Variants in ADGRB3 observed in about 807,000 individuals in gnomAD.
The protein encoded by ADGRB3 is brain-specific angiogenesis inhibitor 3.
Under a neutral mutation model 193.4 loss-of-function variants are expected in ADGRB3, and 37 were observed. That is an observed-to-expected ratio of 0.19 (90% CI 0.15 to 0.25). ADGRB3 has a LOEUF of 0.25. Ranked by LOEUF, ADGRB3 falls within the 10% of genes least tolerant of loss-of-function variation. ADGRB3 has a pLI of 1.00. For synonymous variants in ADGRB3, 690 were observed against 644.2 expected, an observed-to-expected ratio of 1.07 and a Z score of -1.08; for missense variants, 1,637 against 1,852.9, an observed-to-expected ratio of 0.88 and a Z score of 2.14.
chr6:68,862,885 T>G (rs912421407), intron 3 of ADGRB3, among the ~76,000 whole-genome samples: 1 of 152,160 alleles, frequency 6.6e-6, no homozygotes, highest in Non-Finnish European at 1.5e-5. Context: ...TGATCAAGAT[T>G]TTTGTCTCTT....
chr6:68,803,376 C>A (rs891878247), intron 3 of ADGRB3, among the ~76,000 whole-genome samples: 1 of 152,074 alleles, frequency 6.6e-6, no homozygotes, highest in African/African-American at 2.4e-5. Flanking sequence ...TTCAACCCTC[C>A]AATCCTACCA....
intron 30 of ADGRB3, among the ~76,000 whole-genome samples, chr6:69,382,468 G>T (rs1769969630): frequency 6.6e-6 from 1 of 151,934 alleles, no homozygotes; most frequent in Non-Finnish European, 1.5e-5. Context: ...GGGACTGGGT[G>T]CTTTACAAGT....
chr6:69,155,744 C>CA (rs1353160188), intron 17 of ADGRB3, among the ~76,000 whole-genome samples: 3 of 152,154 alleles, frequency 2.0e-5, no homozygotes, highest in South Asian at 2.1e-4. Context: ...AGCGTATTTC[C>CA]AAAAAATACA....
chr6:69,361,846 A>G (rs1769461992), intron 29 of ADGRB3, among the ~76,000 whole-genome samples: 1 of 151,876 alleles, frequency 6.6e-6, no homozygotes, highest in South Asian at 2.1e-4. Context: ...AAATAAATAA[A>G]TAACAGGATT....
chr6:69,220,162 GTACTT>G (rs1281722313), intron 17 of ADGRB3, among the ~76,000 whole-genome samples: 25 of 151,838 alleles, frequency 1.6e-4, no homozygotes, highest in Middle Eastern at 6.8e-3. Context: ...ATTTTTTTAG[GTACTT>G]TGCTTTCTGA....
chr6:68,809,061 T>A (rs1355159035), intron 3 of ADGRB3, among the ~76,000 whole-genome samples: 1 of 109,784 alleles, frequency 9.1e-6, no homozygotes, highest in African/African-American at 3.3e-5. Context: ...CTGATTTTTT[T>A]AATTGTGCTG....
chr6:68,746,398 C>T (rs1766085118), intron 3 of ADGRB3, among the ~76,000 whole-genome samples: 1 of 151,808 alleles, frequency 6.6e-6, no homozygotes. Context: ...TCACAAGAGC[C>T]CTTTCTATAA....
Position 68,792,716 on chromosome 6 carries a change from A to G in ADGRB3, c.758-137843A>G, listed in dbSNP as rs113791590. ...CCAGTTGTTTTAATATACGGAGTCT[A>G]AATTGTAATTTTGTCTCTGTTGGGC... is the stretch of plus-strand genomic sequence containing the variant. On this transcript the variant is annotated intron_variant, in intron 3 of 31. Coordinates refer to ENST00000370598, the MANE Select transcript of ADGRB3 (RefSeq NM_001704.3). Among the ~76,000 whole-genome samples, 1,164 of 152,296 alleles carry G rather than the reference A, an allele frequency of 7.6e-3. 18 individuals are homozygous for G. Among genetic ancestry groups the G allele is most frequent in the African/African-American group, 0.027 (1,116 of 41,562 alleles).
chr6:69,204,293 T>A (rs1027884269), intron 17 of ADGRB3, among the ~76,000 whole-genome samples: 4 of 151,630 alleles, frequency 2.6e-5, no homozygotes, highest in Admixed American at 2.0e-4. Flanking sequence ...TTAAATCACA[T>A]TTTTTTTCCT....
intron 3 of ADGRB3, among the ~76,000 whole-genome samples, chr6:68,641,662 A>C (rs574715239): frequency 6.6e-6 from 1 of 152,248 alleles, no homozygotes; most frequent in African/African-American, 2.4e-5. Flanking sequence ...GGTAAGGATA[A>C]GTAATTACTG....
At chr6:69,332,678 T>C (rs981339523) in intron 23 of ADGRB3, 5 of 985,324 alleles carry the variant, frequency 5.1e-6, no homozygotes, top group Non-Finnish European at 6.0e-6. Context: ...GAAGGTTAAT[T>C]TCCCCAGTGT....
chr6:69,002,864 C>T (rs1769622570), intron 11 of ADGRB3, among the ~76,000 whole-genome samples: 1 of 152,116 alleles, frequency 6.6e-6, no homozygotes, highest in Admixed American at 6.5e-5. Context: ...AGATCCTCTG[C>T]TCAAGAGGCA....
In ADGRB3 at chr6:68,683,771, T is replaced by G. The variant is rs540300038; in HGVS notation, c.757+44339T>G. ...ATTTAAGTTTATAAATACCTGCTAA[T>G]AGTTTCCTTCATTATACCTTTACGG... On this transcript the variant is annotated intron_variant, in intron 3 of 31. Coordinates refer to ENST00000370598, the MANE Select transcript of ADGRB3 (RefSeq NM_001704.3). 5.9e-5 allele frequency among the ~76,000 whole-genome samples: 9 copies of G among 152,298 alleles called. No individual in the cohort carries two copies. In the South Asian group the frequency reaches 1.7e-3, roughly 28 times the overall value.
intron 3 of ADGRB3, among the ~76,000 whole-genome samples, chr6:68,769,152 C>T (rs931209546): frequency 1.3e-5 from 2 of 152,138 alleles, no homozygotes; most frequent in African/African-American, 4.8e-5. Flanking sequence ...GGATCTAGAA[C>T]CAGAAATACC....
At chr6:69,297,024 G>T (rs1341453833) in intron 20 of ADGRB3, among the ~76,000 whole-genome samples, 2 of 152,066 alleles carry the variant, frequency 1.3e-5, no homozygotes, top group African/African-American at 4.8e-5. Context: ...TGAAGCATTA[G>T]TTGGCCAAGT....
At chr6:68,653,369 C>G (rs573569676) in intron 3 of ADGRB3, among the ~76,000 whole-genome samples, 2 of 152,124 alleles carry the variant, frequency 1.3e-5, no homozygotes, top group South Asian at 4.1e-4. Context: ...GATTGGGGAA[C>G]AGTTGTGGTG....
intron 3 of ADGRB3, among the ~76,000 whole-genome samples, chr6:68,689,517 C>G (rs1765036391): frequency 6.6e-6 from 1 of 152,080 alleles, no homozygotes; most frequent in Non-Finnish European, 1.5e-5. Context: ...ATGTAGATTA[C>G]TATTTAAATA....
chr6:69,128,993 T>A (rs918228340), intron 17 of ADGRB3, among the ~76,000 whole-genome samples: 60 of 152,180 alleles, frequency 3.9e-4, no homozygotes, highest in African/African-American at 1.4e-3. Context: ...TTTCCCCATG[T>A]GGTACGCATT....
Position 69,235,035 on chromosome 6 carries a change from A to G in ADGRB3, c.2611A>G (p.Met871Val). ...TTTTGTTTTGTTTAATTCACAGATC[A>G]TGGAATCCTCTGGCACACCTTCAGT... ...ILAQQPREII[M>V]ESSGTPSVTL... Residue 871 changes from methionine to valine, a missense_variant, in exon 19 of 32, where the codon ATG becomes GTG. Met to Val is a conservative substitution (Grantham distance 21). Around this residue, in one of 7 missense-constraint regions of ADGRB3, gnomAD observed 641 missense variants for 673.9 expected, o/e 0.95. Transcript: ENST00000370598. 2 of 1,607,352 alleles carry G rather than the reference A, an allele frequency of 1.2e-6. No individual in the cohort carries two copies. Among genetic ancestry groups the G allele is most frequent in the Non-Finnish European group, 1.7e-6 (2 of 1,175,844 alleles).
Sources: allele counts gnomAD v4.1 joint callset (sites outside exome capture counted in the v4.1 genomes callset), GRCh38; gene constraint gnomAD v4.1.1; regional missense constraint gnomAD v4.1.1; transcripts MANE v1.5; gene names NCBI Gene and HGNC (gene_info 2026-07-23, HGNC 2026-07-21).